Variants in DIAPH3 observed in about 807,000 individuals in gnomAD.
The protein encoded by DIAPH3 is protein diaphanous homolog 3.
DIAPH3 carries 117 observed loss-of-function variants against 144.3 expected under a neutral mutation model. The ratio of observed to expected loss-of-function variants is 0.81; its 90% CI spans 0.70 to 0.95. DIAPH3 has a LOEUF of 0.95. Ranked by LOEUF, DIAPH3 falls within the 40% of genes least tolerant of loss-of-function variation. The pLI, the probability that DIAPH3 is intolerant of heterozygous loss-of-function variation, is 0.00. For missense variants in DIAPH3, 1,421 were observed against 1,412.7 expected (o/e 1.01, Z -0.09); for synonymous variants, 519 against 488.9 (o/e 1.06, Z -0.81).
At chr13:60,145,420 G>C (rs555039171) in intron 1 of DIAPH3, among the ~76,000 whole-genome samples, 1 of 152,338 alleles carries the variant, frequency 6.6e-6, no homozygotes, top group African/African-American at 2.4e-5. Flanking sequence ...GGCTGAGGCG[G>C]GTGGATCACA....
chr13:60,117,502 T>G (rs1210156456), intron 2 of DIAPH3, among the ~76,000 whole-genome samples: 1 of 152,118 alleles, frequency 6.6e-6, no homozygotes, highest in Non-Finnish European at 1.5e-5. Context: ...TACCTGAGGC[T>G]AAAAGTAAAA....
Position 59,718,457 on chromosome 13 carries a change from C to A in DIAPH3, c.3320-51611G>T, listed in dbSNP as rs923979503. ...GGCAAATCATTATAAATTATAAACA[C>A]CAGAATGTTACCGGTCTAAATGAAA... is the stretch of plus-strand genomic sequence containing the variant. On this transcript the variant is annotated intron_variant, in intron 27 of 27. Coordinates refer to ENST00000400324, the MANE Select transcript of DIAPH3 (RefSeq NM_001042517.2). Among the ~76,000 whole-genome samples the A allele has an allele frequency of 3.3e-5, 5 of 152,082 alleles. No individual in the cohort carries two copies. In the East Asian group the frequency reaches 5.8e-4, roughly 18 times the overall value.
In DIAPH3 at chr13:59,700,936, G is replaced by A. The variant is rs181726903; in HGVS notation, c.3320-34090C>T. Among the ~76,000 whole-genome samples the A allele has an allele frequency of 1.5e-3, 224 of 152,184 alleles. 2 individuals carry two copies. Among genetic ancestry groups the A allele is most frequent in the Non-Finnish European group, 1.4e-3 (97 of 67,986 alleles). Reference sequence around the variant, plus strand: ...TTATTTTAAGATAATTAGTTCAGTAGTTTATTTACTTAGTAAAAGAAGCTA... The same window carrying A: ...TTATTTTAAGATAATTAGTTCAGTAATTTATTTACTTAGTAAAAGAAGCTA... On this transcript the variant is annotated intron_variant, in intron 27 of 27. Transcript: ENST00000400324.
intron 4 of DIAPH3, among the ~76,000 whole-genome samples, chr13:60,075,284 T>A (rs1483647328): frequency 6.6e-6 from 1 of 152,212 alleles, no homozygotes; most frequent in Non-Finnish European, 1.5e-5. Context: ...GGGTTGTTCA[T>A]CTTTTTCTTA....
intron 3 of DIAPH3, among the ~76,000 whole-genome samples, chr13:60,094,802 T>C (rs759781460): frequency 3.0e-4 from 45 of 152,200 alleles, no homozygotes; most frequent in Non-Finnish European, 7.3e-5. Context: ...TTCCCTTCAT[T>C]TTACCTTGAT....
intron 27 of DIAPH3, among the ~76,000 whole-genome samples, chr13:59,676,711 A>C (rs1450400769): frequency 6.6e-6 from 1 of 152,092 alleles, no homozygotes; most frequent in Non-Finnish European, 1.5e-5. Context: ...GCAGTACTGT[A>C]AAACAATACA....
chr13:60,011,902 A>T (rs2053295181), intron 7 of DIAPH3, among the ~76,000 whole-genome samples: 1 of 152,186 alleles, frequency 6.6e-6, no homozygotes, highest in African/African-American at 2.4e-5. Flanking sequence ...AAGATAAGTT[A>T]TGTTAATGAT....
intron 1 of DIAPH3, among the ~76,000 whole-genome samples, chr13:60,149,833 C>G (rs1951702924): frequency 6.6e-6 from 1 of 151,182 alleles, no homozygotes. Flanking sequence ...TATGGAGTAG[C>G]CATCTTTTGT....
intron 27 of DIAPH3, among the ~76,000 whole-genome samples, chr13:59,704,103 A>G (rs925255047): frequency 1.7e-4 from 26 of 152,226 alleles, no homozygotes; most frequent in African/African-American, 5.8e-4. Flanking sequence ...TCTTCTTCTT[A>G]GACTTCGTCT....
chr13:59,970,613 C>T (rs935686856), intron 16 of DIAPH3, among the ~76,000 whole-genome samples: 1 of 151,778 alleles, frequency 6.6e-6, no homozygotes, highest in Non-Finnish European at 1.5e-5. Flanking sequence ...ACTGGAACAA[C>T]ATCAACTCTC....
At chr13:60,004,427 C>A (rs901773578) in intron 9 of DIAPH3, among the ~76,000 whole-genome samples, 1 of 152,006 alleles carries the variant, frequency 6.6e-6, no homozygotes, top group African/African-American at 2.4e-5. Context: ...TCTATGTTAC[C>A]TTTTTTTGTT....
chr13:60,148,868 G>A (rs1301790408), intron 1 of DIAPH3, among the ~76,000 whole-genome samples: 2 of 152,192 alleles, frequency 1.3e-5, no homozygotes, highest in Admixed American at 6.5e-5. Context: ...CAACACTGTA[G>A]TATGTGTTGA....
chr13:59,998,870 T>G (rs549049691), intron 9 of DIAPH3, among the ~76,000 whole-genome samples: 6 of 152,246 alleles, frequency 3.9e-5, no homozygotes, highest in African/African-American at 1.4e-4. Context: ...AGCTCAACAA[T>G]GATCCTAAAA....
At chr13:59,964,593 A>T (rs962578488) in intron 17 of DIAPH3, among the ~76,000 whole-genome samples, 7 of 152,092 alleles carry the variant, frequency 4.6e-5, no homozygotes, top group African/African-American at 1.7e-4. Context: ...CTTGGCTCCA[A>T]GCTAAATAAA....
chr13:59,785,466 C>T (rs2038986482), intron 25 of DIAPH3, among the ~76,000 whole-genome samples: 1 of 152,188 alleles, frequency 6.6e-6, no homozygotes, highest in Admixed American at 6.5e-5. Flanking sequence ...CCACCCCTGT[C>T]TCCTTGTGCC....
Position 60,010,550 on chromosome 13 carries a change from A to G in DIAPH3, c.891T>C (p.Ile297=). 2 of 1,604,768 alleles carry G rather than the reference A, an allele frequency of 1.2e-6. No homozygotes were observed. The highest frequency in any genetic ancestry group is 1.7e-6 in the Non-Finnish European group (2 of 1,173,950). The change falls in exon 8 of 28, where the codon ATT becomes ATC. Residue 297 remains isoleucine, a synonymous_variant. Transcript: ENST00000400324. ...ACACTTACATGCTTTCTTCCCCTAC[A>G]ATGCATACCGCAGAGAGAAGTTTAA... ...DVVKLLSAVC[I]VGEESILEEV... is the part of the protein sequence containing the mutation.
At chr13:59,925,739 C>T (rs2047720972) in intron 17 of DIAPH3, among the ~76,000 whole-genome samples, 1 of 152,082 alleles carries the variant, frequency 6.6e-6, no homozygotes, top group African/African-American at 2.4e-5. Context: ...GTTTCCTATT[C>T]TTTCTGATTT....
At chr13:60,066,070 T>G (rs1377436612) in intron 4 of DIAPH3, among the ~76,000 whole-genome samples, 1 of 152,136 alleles carries the variant, frequency 6.6e-6, no homozygotes, top group African/African-American at 2.4e-5. Context: ...TTCATAGAAG[T>G]ATAATTTTTA....
intron 27 of DIAPH3, among the ~76,000 whole-genome samples, chr13:59,739,182 CGTTTT>C (rs796320028): frequency 5.9e-5 from 9 of 152,198 alleles, no homozygotes; most frequent in African/African-American, 2.2e-4. Flanking sequence ...TTTGAATTTG[CGTTTT>C]GTTAAGAATG....
Sources: gnomAD v4.1 joint callset for allele counts (sites outside exome capture counted in the v4.1 genomes callset) on GRCh38, gnomAD v4.1.1 for gene constraint, MANE v1.5 for transcripts, NCBI Gene and HGNC (gene_info 2026-07-23, HGNC 2026-07-21) for gene names.